Variants in IQCM observed in about 807,000 individuals in gnomAD.
The protein encoded by IQCM is IQ motif containing M, also known as IQ domain-containing protein M.
In IQCM, 45 loss-of-function variants were observed where a neutral mutation model predicts 57.6. The ratio of observed to expected loss-of-function variants is 0.78; its 90% CI spans 0.62 to 1.00. The LOEUF (loss-of-function observed/expected upper bound fraction) is 1.00. IQCM is among the 50% of genes least tolerant of loss of function. The pLI is 0.00. For synonymous variants in IQCM, 148 were observed against 158.9 expected (o/e 0.93, Z 0.51); for missense variants, 468 against 511.6 (o/e 0.91, Z 0.82).
rs1730715973 is a variant in IQCM, at chr4:149,376,609, T to C, written c.1391-24543A>G. Among the ~76,000 whole-genome samples, 5 of 152,288 alleles carry C rather than the reference T, an allele frequency of 3.3e-5. No homozygotes were observed. In the South Asian group the frequency reaches 1.0e-3, roughly 32 times the overall value. ...AGATGATTGGGATCATCCGAAACTG[T>C]TGATGTTATTCACAAATGGCACTCA... On this transcript the variant is annotated intron_variant, in intron 13 of 13. Transcript: ENST00000636793.
In IQCM at chr4:149,433,817, A is replaced by G. The variant is rs1735096123; in HGVS notation, c.1229-260T>C. Among the ~76,000 whole-genome samples the G allele has an allele frequency of 3.3e-5, 5 of 152,192 alleles. No individual in the cohort carries two copies. The South Asian group carries it at 1.0e-3, about 32-fold the overall frequency. ...AGTATTGTTAAGGCTGTGAAAAAAAATAAGATACCCAACGAACAGCATTCA... is the reference window on the plus strand; with the variant it reads ...AGTATTGTTAAGGCTGTGAAAAAAAGTAAGATACCCAACGAACAGCATTCA... On this transcript the variant is annotated intron_variant, in intron 12 of 13. Transcript: ENST00000636793.
chr4:149,588,715 C>T (rs76082534), intron 8 of IQCM, among the ~76,000 whole-genome samples: 3,498 of 151,944 alleles, frequency 0.023, 121 homozygotes, highest in African/African-American at 0.079. Flanking sequence ...ACCAACCCCA[C>T]GGACACCTTA....
At chr4:149,437,985 A>T (rs1207556544) in intron 12 of IQCM, among the ~76,000 whole-genome samples, 2 of 152,102 alleles carry the variant, frequency 1.3e-5, no homozygotes, top group Non-Finnish European at 2.9e-5. Context: ...ACAATACTTT[A>T]AAAAGGGCAA....
At chr4:149,637,522 C>T (rs144006163) in intron 7 of IQCM, among the ~76,000 whole-genome samples, 158 of 151,994 alleles carry the variant, frequency 1.0e-3, no homozygotes, top group African/African-American at 3.7e-3. Context: ...TGAAAATTGA[C>T]AAGATAATTT....
intron 2 of IQCM, among the ~76,000 whole-genome samples, chr4:149,786,996 C>T (rs995540892): frequency 6.6e-6 from 1 of 152,092 alleles, no homozygotes; most frequent in Admixed American, 6.6e-5. Context: ...TACTAGGCAG[C>T]CATAAAAAGG....
intron 8 of IQCM, among the ~76,000 whole-genome samples, chr4:149,613,514 G>C (rs1318109907): frequency 6.6e-6 from 1 of 151,486 alleles, no homozygotes; most frequent in Non-Finnish European, 1.5e-5. Flanking sequence ...TCCATTCTAT[G>C]GTCAAAATTA....
At chr4:149,629,847 T>A (rs1292824482) in intron 7 of IQCM, among the ~76,000 whole-genome samples, 1 of 152,178 alleles carries the variant, frequency 6.6e-6, no homozygotes, top group African/African-American at 2.4e-5. Context: ...ACTCATTTTT[T>A]TCTAAAGAGA....
intron 7 of IQCM, among the ~76,000 whole-genome samples, chr4:149,670,493 G>A (rs915862698): frequency 3.3e-5 from 5 of 152,072 alleles, no homozygotes; most frequent in African/African-American, 1.2e-4. Context: ...TGATTGCCCT[G>A]GCCAGAACTT....
chr4:149,458,084 T>C (rs1737893320), intron 12 of IQCM, among the ~76,000 whole-genome samples: 1 of 151,922 alleles, frequency 6.6e-6, no homozygotes, highest in African/African-American at 2.4e-5. Context: ...AAATTTAGCT[T>C]TGTAAGTACC....
chr4:149,581,802 T>G (rs1207845944), intron 9 of IQCM, among the ~76,000 whole-genome samples: 1 of 151,628 alleles, frequency 6.6e-6, no homozygotes, highest in Non-Finnish European at 1.5e-5. Flanking sequence ...GTCTGGCACC[T>G]CCTATTCTTT....
intron 12 of IQCM, among the ~76,000 whole-genome samples, chr4:149,523,585 A>G (rs1470606503): frequency 6.6e-6 from 1 of 152,162 alleles, no homozygotes; most frequent in African/African-American, 2.4e-5. Flanking sequence ...CAGAAGAAAA[A>G]CCGCAAGACA....
intron 2 of IQCM, among the ~76,000 whole-genome samples, chr4:149,781,333 A>C (rs1771583411): frequency 6.6e-6 from 1 of 152,196 alleles, no homozygotes; most frequent in Non-Finnish European, 1.5e-5. Context: ...TGCTGTTTTG[A>C]GTAGCATGAT....
chr4:149,761,116 G>A (rs114895955), intron 2 of IQCM, among the ~76,000 whole-genome samples: 12 of 151,944 alleles, frequency 7.9e-5, no homozygotes, highest in Admixed American at 6.6e-5. Flanking sequence ...TGATACATAC[G>A]CCAGCACGTG....
chr4:149,548,473 A>G lies in IQCM; in HGVS notation c.1210T>C (p.Trp404Arg). The G allele has an allele frequency of 1.6e-6, 2 of 1,232,002 alleles. No homozygotes were observed. The highest frequency in any genetic ancestry group is 2.0e-6 in the Non-Finnish European group (2 of 987,878). The allele number at this position is 1,232,002 out of a possible 1,614,324, so 76.3% of individuals were successfully genotyped here. The change falls in exon 12 of 14, where the codon TGG becomes CGG. Residue 404 changes from tryptophan (W) to arginine (R), a missense_variant. By Grantham distance (101) the Trp-to-Arg change is moderately radical (BLOSUM62 -3). Coordinates refer to ENST00000636793, the MANE Select transcript of IQCM (RefSeq NM_001363507.2). ...TACTCACCTTGATGGACCAGGTCCC[A>G]AGTATCATCAACTTGTTTCTGAGTT... ...FPTQKQVDDTWDLVHQDGKEK... is the reference protein window; with the variant it reads ...FPTQKQVDDTRDLVHQDGKEK...
intron 12 of IQCM, among the ~76,000 whole-genome samples, chr4:149,533,004 A>G (rs2149856573): frequency 6.6e-6 from 1 of 152,296 alleles, no homozygotes; most frequent in East Asian, 1.9e-4. Flanking sequence ...TTTATGAGTA[A>G]CTGATATTGA....
At chr4:149,597,865 A>G (rs1272847139) in intron 8 of IQCM, among the ~76,000 whole-genome samples, 1 of 152,140 alleles carries the variant, frequency 6.6e-6, no homozygotes, top group Admixed American at 6.6e-5. Context: ...TTCAAAATAA[A>G]CTACACTTAC....
At chr4:149,470,814 T>A (rs1326505412) in intron 12 of IQCM, among the ~76,000 whole-genome samples, 1 of 152,116 alleles carries the variant, frequency 6.6e-6, no homozygotes, top group Non-Finnish European at 1.5e-5. Context: ...ATTAAGAAAC[T>A]CACTCAAAAC....
At chr4:149,454,543 G>C (rs1005804339) in intron 12 of IQCM, among the ~76,000 whole-genome samples, 9 of 151,858 alleles carry the variant, frequency 5.9e-5, no homozygotes, top group Admixed American at 2.0e-4. Flanking sequence ...TGATGAAATA[G>C]TATGTGCATC....
chr4:149,398,818 T>C (rs4540024), intron 13 of IQCM, among the ~76,000 whole-genome samples: 2,919 of 152,184 alleles, frequency 0.019, 89 homozygotes, highest in South Asian at 0.15. Flanking sequence ...GTGATCCTCC[T>C]GACTCATTCT....
Sources: gnomAD v4.1 joint callset for allele counts (sites outside exome capture counted in the v4.1 genomes callset) on GRCh38, gnomAD v4.1.1 for gene constraint, MANE v1.5 for transcripts, NCBI Gene and HGNC (gene_info 2026-07-23, HGNC 2026-07-21) for gene names.